TNKS: variants seen among roughly 807,000 people sequenced by gnomAD.
TNKS encodes tankyrase, also known as poly [ADP-ribose] polymerase tankyrase-1.
In TNKS, 72 loss-of-function variants were observed where a neutral mutation model predicts 135.8. The ratio of observed to expected loss-of-function variants is 0.53; its 90% CI spans 0.44 to 0.64. The LOEUF (loss-of-function observed/expected upper bound fraction) is 0.64, where lower values mean the gene tolerates loss of function less well. Ranked by LOEUF, TNKS falls within the 30% of genes least tolerant of loss-of-function variation. The pLI, the probability that TNKS is intolerant of heterozygous loss-of-function variation, is 0.00. For synonymous variants in TNKS, 849 were observed against 649.3 expected, an observed-to-expected ratio of 1.31 and a Z score of -4.68; for missense variants, 1,769 against 1,674.0, an observed-to-expected ratio of 1.06 and a Z score of -0.99.
At chr8:9,699,822 C>T (rs769076519) in intron 5 of TNKS, among the ~76,000 whole-genome samples, 3 of 152,144 alleles carry the variant, frequency 2.0e-5, no homozygotes, top group African/African-American at 4.8e-5. Flanking sequence ...GTGATCTTTC[C>T]AAGACTCTAA....
At chr8:9,582,703 A>G (rs1198934978) in intron 2 of TNKS, among the ~76,000 whole-genome samples, 2 of 152,334 alleles carry the variant, frequency 1.3e-5, no homozygotes, top group Non-Finnish European at 1.5e-5. Context: ...AAGCTAGTAC[A>G]TATAAAATAT....
intron 2 of TNKS, among the ~76,000 whole-genome samples, chr8:9,592,722 C>T (rs560101674): frequency 5.9e-5 from 9 of 152,274 alleles, no homozygotes; most frequent in African/African-American, 1.9e-4. Flanking sequence ...AAGCAGTTCA[C>T]TGGAAGAAGG....
chr8:9,657,276 G>C (rs1285649231), intron 3 of TNKS, among the ~76,000 whole-genome samples: 1 of 92,228 alleles, frequency 1.1e-5, no homozygotes. Context: ...CCTCCCGGAC[G>C]GGGCGGCTGG....
At chr8:9,755,559 AAATTT>A (rs1457305756) in intron 20 of TNKS, among the ~76,000 whole-genome samples, 1 of 152,248 alleles carries the variant, frequency 6.6e-6, no homozygotes, top group Non-Finnish European at 1.5e-5. Flanking sequence ...CATTATAAAT[AAATTT>A]GATAACCTTT....
intron 17 of TNKS, 37 bp downstream of exon 17, chr8:9,735,523 G>GCAC (rs1563199931): frequency 6.5e-7 from 1 of 1,535,448 alleles, no homozygotes; most frequent in Non-Finnish European, 9.0e-7. Flanking sequence ...AAAACTGACC[G>GCAC]CACGCGGTGG....
chr8:9,584,786 A>G (rs1472079250), intron 2 of TNKS, among the ~76,000 whole-genome samples: 1 of 152,202 alleles, frequency 6.6e-6, no homozygotes, highest in African/African-American at 2.4e-5. Flanking sequence ...CTCAAGAGTG[A>G]AGGAGACAGA....
intron 2 of TNKS, among the ~76,000 whole-genome samples, chr8:9,600,575 A>C (rs929664799): frequency 1.4e-4 from 21 of 152,048 alleles, no homozygotes; most frequent in African/African-American, 5.1e-4. Flanking sequence ...GGCCTCCCAA[A>C]ATGGTAGGAT....
chr8:9,670,032 G>A (rs774398137), intron 3 of TNKS: 9 of 152,072 alleles, frequency 5.9e-5, no homozygotes, highest in South Asian at 2.1e-4. Context: ...ATAATTAACC[G>A]TCTCTTATTA....
Position 9,585,233 on chromosome 8 carries a change from G to A in TNKS, c.898+4850G>A, listed in dbSNP as rs148514402. On this transcript the variant is annotated intron_variant, in intron 2 of 26. Transcript: ENST00000310430. ...CCATGTTAGTAGCCTGGAAGCTTAC[G>A]TGTGAGATGTACAGAGACAAATGTT... Among the ~76,000 whole-genome samples, 10 of 152,114 alleles carry A rather than the reference G, an allele frequency of 6.6e-5. No homozygotes were observed. In the East Asian group the frequency reaches 7.7e-4, roughly 12 times the overall value.
At chr8:9,689,240 A>G (rs1259728839) in intron 5 of TNKS, among the ~76,000 whole-genome samples, 3 of 152,216 alleles carry the variant, frequency 2.0e-5, no homozygotes, top group Non-Finnish European at 4.4e-5. Context: ...ATTCAGTTAA[A>G]TTAGGATTGT....
intron 26 of TNKS, 47 bp downstream of exon 26, chr8:9,770,309 A>G (rs145270100): frequency 1.8e-4 from 286 of 1,570,468 alleles, no homozygotes; most frequent in East Asian, 1.7e-3. Context: ...AAACATGTCA[A>G]TAGAGCACAG....
At chr8:9,666,204 C>T (rs1173687704) in intron 3 of TNKS, among the ~76,000 whole-genome samples, 1 of 152,172 alleles carries the variant, frequency 6.6e-6, no homozygotes, top group African/African-American at 2.4e-5. Context: ...CTGCTGAACA[C>T]GCTGCCACAC....
Position 9,681,495 on chromosome 8 carries a change from T to G in TNKS, c.1107+695T>G, listed in dbSNP as rs568118782. Among the ~76,000 whole-genome samples the G allele has an allele frequency of 5.5e-4, 83 of 152,230 alleles. 1 individual carries two copies. The highest frequency in any genetic ancestry group is 3.4e-3 in the Middle Eastern group (1 of 294). On this transcript the variant is annotated intron_variant, in intron 5 of 26. Coordinates refer to ENST00000310430, the MANE Select transcript of TNKS (RefSeq NM_003747.3). ...GGTAATTGCAGAGTTTTGTAGTGAT[T>G]TACGTAATAGACATTGAAAACCAAT...
At chr8:9,651,810 T>C (rs1801158602) in intron 3 of TNKS, among the ~76,000 whole-genome samples, 1 of 152,186 alleles carries the variant, frequency 6.6e-6, no homozygotes, top group Admixed American at 6.5e-5. Flanking sequence ...CCAGGCAAAT[T>C]GGTAGTTCCT....
chr8:9,556,067 C>T lies in TNKS; in HGVS notation c.128C>T (p.Thr43Ile), dbSNP rs1815273709. 6.2e-7 allele frequency: 1 copy of T among 1,606,932 alleles called. No homozygotes were observed. The highest frequency in any genetic ancestry group is 1.1e-5 in the South Asian group (1 of 90,648). Residue 43 changes from threonine to isoleucine, a missense_variant, in exon 1 of 27, where the codon ACC becomes ATC. Physicochemically the swap from Thr to Ile is moderately conservative, Grantham distance 89. This residue lies in a region of TNKS where 450 missense variants were observed against 304.9 expected (regional missense o/e 1.48). Coordinates refer to ENST00000310430, the MANE Select transcript of TNKS (RefSeq NM_003747.3). ...PPLSPGLAPGTTPASPTASGL... is the reference protein window; with the variant it reads ...PPLSPGLAPGITPASPTASGL... ...CTCAGCCCTGGCCTGGCCCCGGGGA[C>T]CACCCCAGCCTCTCCCACGGCCAGC... is the stretch of plus-strand genomic sequence containing the variant.
chr8:9,575,249 G>A (rs1161624550), intron 1 of TNKS: 1 of 505,394 alleles, frequency 2.0e-6, no homozygotes, highest in Non-Finnish European at 2.6e-6. Flanking sequence ...ACCACGCAGG[G>A]CTAATTTTTT....
intron 3 of TNKS, among the ~76,000 whole-genome samples, chr8:9,654,035 G>A (rs1801247151): frequency 6.6e-6 from 1 of 152,172 alleles, no homozygotes. Context: ...AGCTGCAGAG[G>A]TCTTTCCCAG....
chr8:9,609,684 GTGTTTT>G (rs540099415), intron 2 of TNKS, among the ~76,000 whole-genome samples: 1 of 152,084 alleles, frequency 6.6e-6, no homozygotes, highest in Non-Finnish European at 1.5e-5. Context: ...TTTAGAAGTT[GTGTTTT>G]TGTTTTTGTT....
intron 5 of TNKS, among the ~76,000 whole-genome samples, chr8:9,681,882 G>A (rs1802795274): frequency 6.6e-6 from 1 of 152,030 alleles, no homozygotes; most frequent in Non-Finnish European, 1.5e-5. Context: ...ATTTGTTTTT[G>A]TAGATAGCTT....
Sources: gnomAD v4.1 joint callset for allele counts (sites outside exome capture counted in the v4.1 genomes callset) on GRCh38, gnomAD v4.1.1 for gene constraint, gnomAD v4.1.1 regional missense constraint, MANE v1.5 for transcripts, NCBI Gene and HGNC (gene_info 2026-07-23, HGNC 2026-07-21) for gene names.